PCDH9: variants seen among roughly 807,000 people sequenced by gnomAD.
PCDH9 encodes the protein protocadherin 9.
A neutral mutation model predicts 70.6 loss-of-function variants in PCDH9; 24 were observed. That is an observed-to-expected ratio of 0.34 (90% CI 0.25 to 0.48). The LOEUF (loss-of-function observed/expected upper bound fraction) is 0.48, where lower values mean the gene tolerates loss of function less well. Ranked by LOEUF, PCDH9 falls within the 20% of genes least tolerant of loss-of-function variation. The probability of loss-of-function intolerance (pLI) is 0.99; values close to 1 mark genes in which losing one functional copy is unlikely to be tolerated. For synonymous variants in PCDH9, 562 were observed against 558.5 expected (o/e 1.01, Z -0.09); for missense variants, 1,281 against 1,503.6 (o/e 0.85, Z 2.45).
chr13:66,690,287 C>A (rs1306824915), intron 3 of PCDH9, among the ~76,000 whole-genome samples: 2 of 151,900 alleles, frequency 1.3e-5, no homozygotes, highest in Non-Finnish European at 2.9e-5. Flanking sequence ...TTAAGAAAAT[C>A]TAAGTATGAT....
chr13:66,720,443 G>A (rs534997144), intron 3 of PCDH9, among the ~76,000 whole-genome samples: 46 of 151,240 alleles, frequency 3.0e-4, no homozygotes, highest in East Asian at 2.3e-3. Flanking sequence ...GATTACAGGC[G>A]TGAACCAACA....
chr13:67,018,916 C>T (rs1168309501), intron 2 of PCDH9, among the ~76,000 whole-genome samples: 4 of 152,146 alleles, frequency 2.6e-5, no homozygotes, highest in African/African-American at 9.7e-5. Context: ...AAGACCGTTT[C>T]TGATCTCATG....
At chr13:66,640,480 A>C (rs1157245767) in intron 3 of PCDH9, among the ~76,000 whole-genome samples, 1 of 152,082 alleles carries the variant, frequency 6.6e-6, no homozygotes, top group Admixed American at 6.6e-5. Context: ...TTAACCTCAG[A>C]CTATGGCCAG....
At chr13:66,483,119 T>C (rs1440393412) in intron 4 of PCDH9, among the ~76,000 whole-genome samples, 2 of 152,210 alleles carry the variant, frequency 1.3e-5, no homozygotes, top group Admixed American at 6.5e-5. Flanking sequence ...AAGTCTACAA[T>C]CTATTTTGGA....
intron 4 of PCDH9, among the ~76,000 whole-genome samples, chr13:66,621,101 A>G (rs796797341): frequency 3.9e-5 from 6 of 152,216 alleles, no homozygotes; most frequent in African/African-American, 1.4e-4. Context: ...TGGCAGACAA[A>G]CTCTAGGGTG....
intron 3 of PCDH9, among the ~76,000 whole-genome samples, chr13:66,815,429 C>G (rs953250481): frequency 2.0e-5 from 3 of 151,982 alleles, no homozygotes; most frequent in Non-Finnish European, 2.9e-5. Context: ...GGGTATACAC[C>G]CAAAGGAATA....
chr13:66,773,554 C>G (rs774545643), intron 3 of PCDH9, among the ~76,000 whole-genome samples: 1 of 151,204 alleles, frequency 6.6e-6, no homozygotes, highest in Non-Finnish European at 1.5e-5. Context: ...GGCGTGAACC[C>G]GGGAGGCGGA....
rs371580072 is a variant in PCDH9, at chr13:66,315,878, G to A, written c.3341-10850C>T. 1.4e-4 allele frequency among the ~76,000 whole-genome samples: 21 copies of A among 152,158 alleles called. 1 individual carries two copies. In the East Asian group the frequency reaches 1.5e-3, roughly 11 times the overall value. On this transcript the variant is annotated intron_variant, in intron 4 of 4. Coordinates refer to ENST00000377865, the MANE Select transcript of PCDH9 (RefSeq NM_203487.3). ...ATTTACATTTGTTTCCTGTTGCCAC[G>A]GAGACAAATTACCACAAACTTAGTG...
At chr13:66,385,570 G>A (rs1205854274) in intron 4 of PCDH9, among the ~76,000 whole-genome samples, 2 of 152,034 alleles carry the variant, frequency 1.3e-5, no homozygotes, top group Non-Finnish European at 2.9e-5. Flanking sequence ...ATAAGGTGTC[G>A]ATGGATGTAA....
chr13:66,750,693 A>G (rs1178843421), intron 3 of PCDH9, among the ~76,000 whole-genome samples: 3 of 152,162 alleles, frequency 2.0e-5, no homozygotes, highest in Non-Finnish European at 4.4e-5. Context: ...TTAACCCCTT[A>G]AACATGTACT....
chr13:66,580,150 T>C (rs2076870178), intron 4 of PCDH9, among the ~76,000 whole-genome samples: 1 of 152,104 alleles, frequency 6.6e-6, no homozygotes, highest in Non-Finnish European at 1.5e-5. Context: ...AATAATTTCC[T>C]ATAGTATCTG....
chr13:67,209,100 A>G (rs2089417579), intron 2 of PCDH9: 1 of 152,158 alleles, frequency 6.6e-6, no homozygotes, highest in Non-Finnish European at 1.5e-5. Context: ...TTGTTCTGAA[A>G]GCCAACACAA....
intron 2 of PCDH9, among the ~76,000 whole-genome samples, chr13:66,927,140 A>C (rs1008089112): frequency 6.6e-6 from 1 of 152,092 alleles, no homozygotes; most frequent in African/African-American, 2.4e-5. Flanking sequence ...GTTTCAGACA[A>C]GTGCCTAGTG....
chr13:66,596,255 T>C, intron 4 of PCDH9, among the ~76,000 whole-genome samples: 1 of 151,682 alleles, frequency 6.6e-6, no homozygotes, highest in Non-Finnish European at 1.5e-5. Context: ...AAATTGTTAT[T>C]ACAGGCCTTC....
intron 3 of PCDH9, among the ~76,000 whole-genome samples, chr13:66,683,470 T>C (rs2078356739): frequency 6.6e-6 from 1 of 152,212 alleles, no homozygotes; most frequent in Non-Finnish European, 1.5e-5. Context: ...CTCATTTAGC[T>C]ACTGCAAGAA....
chr13:66,557,412 G>A (rs1035235552), intron 4 of PCDH9, among the ~76,000 whole-genome samples: 6 of 152,060 alleles, frequency 3.9e-5, no homozygotes, highest in African/African-American at 1.2e-4. Flanking sequence ...AGTAAGCGTA[G>A]TCTATTTTAC....
intron 2 of PCDH9, among the ~76,000 whole-genome samples, chr13:67,015,261 T>A (rs1258553235): frequency 6.6e-6 from 1 of 152,164 alleles, no homozygotes; most frequent in Non-Finnish European, 1.5e-5. Flanking sequence ...CACTGGCTTC[T>A]GTGACTCTGT....
At chr13:67,136,037 T>C (rs1338659238) in intron 2 of PCDH9, among the ~76,000 whole-genome samples, 2 of 152,176 alleles carry the variant, frequency 1.3e-5, no homozygotes, top group Admixed American at 1.3e-4. Flanking sequence ...ATATGCTACA[T>C]AGCAATGTTC....
chr13:67,104,679 G>A (rs2086500279), intron 2 of PCDH9, among the ~76,000 whole-genome samples: 2 of 152,006 alleles, frequency 1.3e-5, no homozygotes, highest in Admixed American at 1.3e-4. Context: ...CTCTCGAGTA[G>A]CTGGGACTAC....
Sources: allele counts gnomAD v4.1 joint callset (sites outside exome capture counted in the v4.1 genomes callset), GRCh38; gene constraint gnomAD v4.1.1; transcripts MANE v1.5; gene names NCBI Gene and HGNC (gene_info 2026-07-23, HGNC 2026-07-21).